CSMD1: variants seen among roughly 807,000 people sequenced by gnomAD.
CSMD1 encodes CUB and sushi domain-containing protein 1.
CSMD1 carries 213 observed loss-of-function variants against 417.5 expected under a neutral mutation model. The ratio of observed to expected loss-of-function variants is 0.51; its 90% CI spans 0.46 to 0.57. CSMD1 has a LOEUF of 0.57. Ranked by LOEUF, CSMD1 falls within the 20% of genes least tolerant of loss-of-function variation. CSMD1 has a pLI of 0.00. For synonymous variants in CSMD1, 2,862 were observed against 1,736.8 expected, an observed-to-expected ratio of 1.65 and a Z score of -16.11; for missense variants, 6,923 against 4,529.7, an observed-to-expected ratio of 1.53 and a Z score of -15.17.
intron 62 of CSMD1, 98 bp downstream of exon 62, chr8:2,961,043 G>T: frequency 1.6e-6 from 1 of 627,336 alleles, no homozygotes; most frequent in Non-Finnish European, 2.4e-6. Flanking sequence ...AATATAACAT[G>T]AATAAGGTAT....
At chr8:3,501,681 G>A (rs954088064) in intron 10 of CSMD1, among the ~76,000 whole-genome samples, 1 of 152,168 alleles carries the variant, frequency 6.6e-6, no homozygotes, top group Non-Finnish European at 1.5e-5. Flanking sequence ...CTTTCAAACA[G>A]TGAATTTCCT....
At chr8:3,432,752 G>C (rs79453809) in intron 12 of CSMD1, among the ~76,000 whole-genome samples, 2 of 152,082 alleles carry the variant, frequency 1.3e-5, no homozygotes, top group African/African-American at 4.8e-5. Context: ...TTGACCTCGT[G>C]ATCTTCCCAC....
intron 17 of CSMD1, among the ~76,000 whole-genome samples, chr8:3,391,924 G>C (rs1383921873): frequency 6.6e-6 from 1 of 152,100 alleles, no homozygotes; most frequent in Non-Finnish European, 1.5e-5. Context: ...CTGTTTTTAA[G>C]AGGCATAAAG....
intron 7 of CSMD1, among the ~76,000 whole-genome samples, chr8:3,666,315 G>A (rs1798692210): frequency 1.3e-5 from 2 of 152,160 alleles, no homozygotes; most frequent in African/African-American, 4.8e-5. Context: ...TGAAGAATAT[G>A]CTTCAAAAGC....
chr8:4,822,567 T>G (rs1008668034), intron 1 of CSMD1, among the ~76,000 whole-genome samples: 4 of 152,038 alleles, frequency 2.6e-5, no homozygotes, highest in Non-Finnish European at 5.9e-5. Context: ...CAGGAAAAAT[T>G]TTTACATTTT....
chr8:4,061,630 T>C (rs1032495469), intron 3 of CSMD1, among the ~76,000 whole-genome samples: 7 of 152,206 alleles, frequency 4.6e-5, no homozygotes, highest in Non-Finnish European at 8.8e-5. Flanking sequence ...AGACAGATTC[T>C]GCAAGGGAGG....
At chr8:2,961,401 A>G in intron 61 of CSMD1, among the ~76,000 whole-genome samples, 187 bp from the exon 62 acceptor site, 1 of 152,164 alleles carries the variant, frequency 6.6e-6, no homozygotes, top group Non-Finnish European at 1.5e-5. Flanking sequence ...TGTTTTTTAG[A>G]TGTTAACTTT....
chr8:3,581,193 A>G (rs1800368065), intron 9 of CSMD1, among the ~76,000 whole-genome samples: 1 of 152,244 alleles, frequency 6.6e-6, no homozygotes, highest in Admixed American at 6.5e-5. Flanking sequence ...TTAAAAAAAT[A>G]GAACGATATA....
chr8:4,024,048 C>A (rs539718706), intron 4 of CSMD1, among the ~76,000 whole-genome samples: 1 of 151,636 alleles, frequency 6.6e-6, no homozygotes, highest in Non-Finnish European at 1.5e-5. Flanking sequence ...AACATAGAGG[C>A]CAAAACAGGA....
intron 1 of CSMD1, among the ~76,000 whole-genome samples, chr8:4,966,431 G>C (rs1290852072): frequency 2.0e-5 from 3 of 152,148 alleles, no homozygotes; most frequent in Non-Finnish European, 4.4e-5. Flanking sequence ...CCGGTATTTG[G>C]AACACATTTC....
intron 30 of CSMD1, among the ~76,000 whole-genome samples, chr8:3,208,557 G>T (rs1403638745): frequency 1.3e-5 from 2 of 152,078 alleles, no homozygotes; most frequent in African/African-American, 2.4e-5. Context: ...GAGCCACCAC[G>T]CCCGGCCATA....
intron 3 of CSMD1, among the ~76,000 whole-genome samples, chr8:4,346,290 C>T (rs1353706029): frequency 6.6e-6 from 1 of 152,046 alleles, no homozygotes; most frequent in Non-Finnish European, 1.5e-5. Flanking sequence ...ATGAAAGATA[C>T]ACATAATTTA....
intron 12 of CSMD1, among the ~76,000 whole-genome samples, chr8:3,414,997 C>T (rs1483465118): frequency 1.3e-5 from 2 of 152,184 alleles, no homozygotes; most frequent in South Asian, 2.1e-4. Context: ...CAGGGTCTAT[C>T]TTGGTGATTG....
At chr8:3,447,846 T>C (rs67788127) in intron 12 of CSMD1, among the ~76,000 whole-genome samples, 20,261 of 152,084 alleles carry the variant, frequency 0.13, 1,579 homozygotes, top group East Asian at 0.37. Context: ...ATGGAGGCCA[T>C]CGGAGGTGTC....
chr8:4,359,381 T>C (rs1212504957), intron 3 of CSMD1, among the ~76,000 whole-genome samples: 2 of 152,172 alleles, frequency 1.3e-5, no homozygotes, highest in African/African-American at 4.8e-5. Context: ...ATCAATAGGG[T>C]TTAAACTCAC....
Position 4,032,005 on chromosome 8 carries a change from G to T in CSMD1, c.510C>A (p.Ser170Arg). ...CTTCCAAGATGTAGCCAGGGAGGCAGCTGTACCGGATTTTGTCTCCTATGT... is the reference window on the plus strand; with the variant it reads ...CTTCCAAGATGTAGCCAGGGAGGCATCTGTACCGGATTTTGTCTCCTATGT... ...RFNIGDKIRYSCLPGYILEGH... is the reference protein window; with the variant it reads ...RFNIGDKIRYRCLPGYILEGH... Residue 170 changes from serine to arginine, a missense_variant, in exon 4 of 70, where the codon AGC becomes AGA. Physicochemically the swap from Ser to Arg is moderately radical, Grantham distance 110 (BLOSUM62 -1). Transcript: ENST00000635120. The T allele has an allele frequency of 6.2e-7, 1 of 1,613,932 alleles. No individual in the cohort carries two copies. Among genetic ancestry groups the T allele is most frequent in the Non-Finnish European group, 8.5e-7 (1 of 1,179,834 alleles).
chr8:3,941,576 C>G (rs935537827), intron 5 of CSMD1, among the ~76,000 whole-genome samples: 1 of 152,052 alleles, frequency 6.6e-6, no homozygotes, highest in South Asian at 2.1e-4. Flanking sequence ...ATTTTACTAC[C>G]TACACATTTC....
intron 1 of CSMD1, among the ~76,000 whole-genome samples, chr8:4,957,120 G>C (rs1190084849): frequency 1.3e-5 from 2 of 152,128 alleles, no homozygotes; most frequent in Admixed American, 6.5e-5. Context: ...ATCATGAAGA[G>C]TAATAAAAGC....
At chr8:4,305,425 A>G (rs1230938990) in intron 3 of CSMD1, among the ~76,000 whole-genome samples, 1 of 152,162 alleles carries the variant, frequency 6.6e-6, no homozygotes, top group Non-Finnish European at 1.5e-5. Context: ...TGAAAGGGAT[A>G]ATCGACTAAA....
Sources: allele counts gnomAD v4.1 joint callset (sites outside exome capture counted in the v4.1 genomes callset), GRCh38; gene constraint gnomAD v4.1.1; transcripts MANE v1.5; gene names NCBI Gene and HGNC (gene_info 2026-07-23, HGNC 2026-07-21).